ASCC3: variants seen among roughly 807,000 people sequenced by gnomAD.
ASCC3 encodes ASC-1 complex subunit P200.
Under a neutral mutation model 256.3 loss-of-function variants are expected in ASCC3, and 158 were observed. That is an observed-to-expected ratio of 0.62 (90% CI 0.54 to 0.70). The LOEUF is 0.70. ASCC3 is among the 30% of genes least tolerant of loss of function. ASCC3 has a pLI of 0.00. For synonymous variants in ASCC3, 948 were observed against 883.4 expected (o/e 1.07, Z -1.30); for missense variants, 2,259 against 2,626.0 (o/e 0.86, Z 3.05).
rs1769758840 is a variant in ASCC3, at chr6:100,798,758, T to C, written c.1350A>G (p.Pro450=). Residue 450 remains proline (P), a synonymous_variant, in exon 8 of 42, where the codon CCA becomes CCG. Transcript: ENST00000369162. The part of the protein sequence containing the change: ...EVRIPYSEPM[P]LSFEEKPVYI... The stretch of plus-strand genomic sequence containing the variant: ...AAACTGGCTTTTCCTCAAAGCTGAG[T>C]GGCATTGGTTCGCTGTAGGGAATCC... 1 of 1,613,050 alleles carries C rather than the reference T, an allele frequency of 6.2e-7. No homozygotes were observed. The highest frequency in any genetic ancestry group is 8.5e-7 in the Non-Finnish European group (1 of 1,179,554).
chr6:100,730,815 T>C (rs1020783331), intron 10 of ASCC3, among the ~76,000 whole-genome samples: 1 of 152,170 alleles, frequency 6.6e-6, no homozygotes, highest in South Asian at 2.1e-4. Flanking sequence ...TCCACTCACT[T>C]CCTCTTCAAC....
At position 100,642,861 on chromosome 6, in the gene ASCC3, T is replaced by A. The variant is rs994624960; in HGVS notation, c.3733-112A>T. The stretch of plus-strand genomic sequence containing the variant: ...TACAAGATATACTAAAGACAAAGTA[T>A]CTTGAATTTGTAAATAGCTGAGATA... On this transcript the variant is annotated intron_variant, in intron 23 of 41. Transcript: ENST00000369162. The A allele has an allele frequency of 9.1e-5, 95 of 1,048,318 alleles. 1 individual carries two copies. The South Asian group carries it at 1.0e-3, about 11-fold the overall frequency. 64.9% of individuals were successfully genotyped at this position (1,048,318 alleles called of 1,614,324 possible). A position where few individuals can be genotyped will look rare whatever the true frequency, so the allele number is the denominator to read the frequency against.
At chr6:100,837,830 T>C (rs911282691) in intron 4 of ASCC3, among the ~76,000 whole-genome samples, 1 of 151,926 alleles carries the variant, frequency 6.6e-6, no homozygotes, top group South Asian at 2.1e-4. Context: ...CACAGTAGGA[T>C]GACTAGGGCT....
At chr6:100,868,193 A>G (rs980441009) in intron 1 of ASCC3, among the ~76,000 whole-genome samples, 155 bp from the exon 2 acceptor site, 7 of 152,218 alleles carry the variant, frequency 4.6e-5, no homozygotes, top group Non-Finnish European at 7.4e-5. Context: ...TTTTCTATCC[A>G]TGAAGTTTTT....
At chr6:100,629,331 C>A in intron 26 of ASCC3, 150 bp from the exon 27 acceptor site, 1 of 701,242 alleles carries the variant, frequency 1.4e-6, no homozygotes, top group Non-Finnish European at 2.3e-6. Flanking sequence ...AAGTTGAGTC[C>A]AAAATGTACA....
chr6:100,547,923 AAAC>A (rs1358941722), intron 36 of ASCC3, among the ~76,000 whole-genome samples: 2 of 152,034 alleles, frequency 1.3e-5, no homozygotes, highest in African/African-American at 4.8e-5. Flanking sequence ...GTGAGAAGGT[AAAC>A]AACTGTGTCA....
In ASCC3 at chr6:100,662,481, A is replaced by G; in HGVS notation, c.2342T>C (p.Ile781Thr). The change falls in exon 15 of 42, where the codon ATT becomes ACT. Residue 781 changes from isoleucine to threonine, a missense_variant. By Grantham distance (89) the Ile-to-Thr change is moderately conservative (BLOSUM62 -1). This residue lies in a region of ASCC3 where 1,839 missense variants were observed against 2,206.7 expected (regional missense o/e 0.83). Transcript: ENST00000369162. Reference sequence around the variant, plus strand: ...CTGCCGAAGCATTCCTGCATGATGAATACTAAAACCATCTGGGAATAATTC... The same window carrying G: ...CTGCCGAAGCATTCCTGCATGATGAGTACTAAAACCATCTGGGAATAATTC... ...VRELFPDGFS[I>T]HHAGMLRQDR... is the part of the protein sequence containing the mutation. 6.2e-7 allele frequency: 1 copy of G among 1,613,296 alleles called. No individual in the cohort carries two copies. Among genetic ancestry groups the G allele is most frequent in the African/African-American group, 1.3e-5 (1 of 74,986 alleles).
intron 30 of ASCC3, among the ~76,000 whole-genome samples, chr6:100,620,492 G>A (rs902233686): frequency 1.3e-5 from 2 of 152,082 alleles, no homozygotes; most frequent in African/African-American, 4.8e-5. Context: ...AAATTAATGA[G>A]AACACATATA....
chr6:100,867,182 A>G (rs1773521748), intron 2 of ASCC3, among the ~76,000 whole-genome samples: 1 of 152,122 alleles, frequency 6.6e-6, no homozygotes, highest in African/African-American at 2.4e-5. Context: ...ATAATTGCCC[A>G]TTTTTGACCT....
chr6:100,728,193 A>T (rs2115044176), intron 10 of ASCC3, among the ~76,000 whole-genome samples: 1 of 152,192 alleles, frequency 6.6e-6, no homozygotes, highest in Middle Eastern at 3.4e-3. Context: ...ATTGAAAATA[A>T]TGAATATATA....
chr6:100,605,983 G>C (rs1772864705), intron 32 of ASCC3, among the ~76,000 whole-genome samples: 1 of 151,894 alleles, frequency 6.6e-6, no homozygotes, highest in African/African-American at 2.4e-5. Context: ...ATTCCCTTTA[G>C]TGGAATGCTT....
intron 36 of ASCC3, among the ~76,000 whole-genome samples, chr6:100,552,991 G>A (rs1465438895): frequency 1.3e-5 from 2 of 151,886 alleles, no homozygotes; most frequent in Non-Finnish European, 2.9e-5. Flanking sequence ...CAATTGCTCT[G>A]CCAGGCTCTC....
intron 4 of ASCC3, among the ~76,000 whole-genome samples, chr6:100,841,384 C>A (rs1772137461): frequency 6.6e-6 from 1 of 151,540 alleles, no homozygotes; most frequent in Non-Finnish European, 1.5e-5. Flanking sequence ...CAAAAGTCCC[C>A]AATTTGAAAA....
chr6:100,722,880 T>G (rs1367792048), intron 11 of ASCC3, among the ~76,000 whole-genome samples: 1 of 151,816 alleles, frequency 6.6e-6, no homozygotes, highest in Non-Finnish European at 1.5e-5. Flanking sequence ...AGCAATTCAT[T>G]GCATAAATAT....
chr6:100,610,032 A>T (rs957257267), intron 30 of ASCC3, among the ~76,000 whole-genome samples: 1 of 152,174 alleles, frequency 6.6e-6, no homozygotes, highest in Non-Finnish European at 1.5e-5. Context: ...CCATGAGGAG[A>T]ATAATGTTAA....
chr6:100,691,192 TCA>T (rs1207192545), intron 13 of ASCC3, among the ~76,000 whole-genome samples: 14 of 151,876 alleles, frequency 9.2e-5, no homozygotes, highest in African/African-American at 3.4e-4. Flanking sequence ...TATCTTACAA[TCA>T]ATTCACCAAT....
chr6:100,798,520 T>C (rs1769745655), intron 8 of ASCC3, among the ~76,000 whole-genome samples, 193 bp downstream of exon 8: 1 of 152,116 alleles, frequency 6.6e-6, no homozygotes, highest in African/African-American at 2.4e-5. Flanking sequence ...ATACACACAT[T>C]TGTTTAATGT....
At chr6:100,551,998 G>A (rs1390916228) in intron 36 of ASCC3, among the ~76,000 whole-genome samples, 1 of 151,796 alleles carries the variant, frequency 6.6e-6, no homozygotes, top group African/African-American at 2.4e-5. Flanking sequence ...CCACTTCCAA[G>A]CTATGTAACC....
rs572697247 is a variant in ASCC3 at position 100,779,595 on chromosome 6, C to G, written c.1396-12250G>C. On this transcript the variant is annotated intron_variant, in intron 8 of 41. Transcript: ENST00000369162. Reference sequence around the variant, plus strand: ...TTCATATTTTACATGAGTGAGCCACCTTTTGCCCTAAAATTCTCATCCTTT... The same window carrying G: ...TTCATATTTTACATGAGTGAGCCACGTTTTGCCCTAAAATTCTCATCCTTT... 5.8e-4 allele frequency among the ~76,000 whole-genome samples: 88 copies of G among 152,220 alleles called. 1 individual carries two copies. Among genetic ancestry groups the G allele is most frequent in the South Asian group, 4.8e-3 (23 of 4,830 alleles).
Sources: allele counts gnomAD v4.1 joint callset (sites outside exome capture counted in the v4.1 genomes callset), GRCh38; gene constraint gnomAD v4.1.1; regional missense constraint gnomAD v4.1.1; transcripts MANE v1.5; gene names NCBI Gene and HGNC (gene_info 2026-07-23, HGNC 2026-07-21).